The following TRRAP variants were observed in gnomAD, a reference collection of about 807,000 sequenced individuals.
TRRAP encodes transformation/transcription domain associated protein.
In TRRAP, 41 loss-of-function variants were observed where a neutral mutation model predicts 438.8. The observed-to-expected ratio is 0.09, with a 90% CI of 0.07 to 0.12. TRRAP has a LOEUF of 0.12. Among genes scored for constraint, TRRAP ranks in the 10% least tolerant of loss-of-function variants. The pLI, the probability that TRRAP is intolerant of heterozygous loss-of-function variation, is 1.00. For synonymous variants in TRRAP, 1,994 were observed against 1,962.9 expected, an observed-to-expected ratio of 1.02 and a Z score of -0.42; for missense variants, 3,122 against 5,055.1, an observed-to-expected ratio of 0.62 and a Z score of 11.60.
intron 32 of TRRAP, 52 bp from the exon 33 acceptor site, chr7:98,945,878 T>C: frequency 6.4e-7 from 1 of 1,568,298 alleles, no homozygotes; most frequent in Non-Finnish European, 8.6e-7. Context: ...TTTTCTTTTC[T>C]TTTTACCTTT....
At chr7:98,902,102 A>C (rs1670253222) in intron 11 of TRRAP, among the ~76,000 whole-genome samples, 1 of 152,240 alleles carries the variant, frequency 6.6e-6, no homozygotes, top group Non-Finnish European at 1.5e-5. Context: ...GCAACTATGC[A>C]CATTTACATG....
intron 62 of TRRAP, among the ~76,000 whole-genome samples, chr7:98,987,814 T>C (rs1793218255): frequency 6.6e-6 from 1 of 152,242 alleles, no homozygotes; most frequent in South Asian, 2.1e-4. Context: ...GTGGGTGTTC[T>C]GTAGATGCCT....
At chr7:98,981,280 T>C (rs1266839804) in intron 58 of TRRAP, among the ~76,000 whole-genome samples, 4 of 152,132 alleles carry the variant, frequency 2.6e-5, no homozygotes, top group African/African-American at 9.7e-5. Flanking sequence ...CACACGCCTG[T>C]AATCCCAGCT....
intron 25 of TRRAP, among the ~76,000 whole-genome samples, chr7:98,931,180 G>T (rs1006440245): frequency 6.6e-6 from 1 of 152,236 alleles, no homozygotes; most frequent in African/African-American, 2.4e-5. Flanking sequence ...GGCATTGCCA[G>T]CTTATCTGGT....
At chr7:98,919,496 C>T (rs782283409) in intron 20 of TRRAP, among the ~76,000 whole-genome samples, 5 of 152,110 alleles carry the variant, frequency 3.3e-5, no homozygotes, top group African/African-American at 4.8e-5. Flanking sequence ...CAGCTACTCA[C>T]GAGTTTGAGG....
At position 98,970,787 on chromosome 7, in the gene TRRAP, A is replaced by G. The variant is rs1285426749; in HGVS notation, c.7692+496A>G. On this transcript the variant is annotated intron_variant, in intron 52 of 72. Transcript: ENST00000456197. ...CCTGGGGGAATGCTGCCTGCCACAC[A>G]GGGGCTGGGGCTCTAGTTGGTTCCT... Among the ~76,000 whole-genome samples the G allele has an allele frequency of 2.0e-5, 3 of 152,068 alleles. No individual in the cohort carries two copies. The East Asian group carries it at 5.8e-4, about 29-fold the overall frequency.
Position 98,911,069 on chromosome 7 carries a change from T to C in TRRAP, c.1813-8T>C. On this transcript the variant is annotated splice_polypyrimidine_tract_variant and splice_region_variant and intron_variant, in intron 16 of 72. Coordinates refer to ENST00000456197, the MANE Select transcript of TRRAP (RefSeq NM_001375524.1). Reference sequence around the variant, plus strand: ...ATGCCTGTGGGCGGCTTTTTTCCCCTGTATTAGGTCCAGATAGCAGGAAAT... The same window carrying C: ...ATGCCTGTGGGCGGCTTTTTTCCCCCGTATTAGGTCCAGATAGCAGGAAAT... 6.2e-7 allele frequency: 1 copy of C among 1,609,918 alleles called. No individual in the cohort carries two copies. The highest frequency in any genetic ancestry group is 8.5e-7 in the Non-Finnish European group (1 of 1,178,264).
chr7:98,931,769 G>A, intron 26 of TRRAP, 104 bp downstream of exon 26: 1 of 1,487,612 alleles, frequency 6.7e-7, no homozygotes, highest in Non-Finnish European at 9.0e-7. Flanking sequence ...TTGTGTCTTG[G>A]TATCTGTGGG....
chr7:98,924,688 CAAAA>C (rs34211183), intron 21 of TRRAP, among the ~76,000 whole-genome samples: 2 of 95,332 alleles, frequency 2.1e-5, no homozygotes, highest in African/African-American at 3.7e-5. Flanking sequence ...GACTCCGTCT[CAAAA>C]AAAAAAAAAA....
chr7:98,954,551 T>C (rs1199568635), intron 40 of TRRAP, among the ~76,000 whole-genome samples: 2 of 152,078 alleles, frequency 1.3e-5, no homozygotes, highest in African/African-American at 4.8e-5. Context: ...ACACAAACAC[T>C]CGAGAACTCT....
intron 3 of TRRAP, among the ~76,000 whole-genome samples, chr7:98,883,155 T>C (rs1291033816): frequency 5.3e-5 from 8 of 152,164 alleles, no homozygotes; most frequent in Non-Finnish European, 7.4e-5. Context: ...TCAGACACTT[T>C]TCATTTTTCT....
chr7:98,978,426 G>T, intron 57 of TRRAP, 103 bp downstream of exon 57: 2 of 1,054,624 alleles, frequency 1.9e-6, no homozygotes, highest in Non-Finnish European at 1.4e-6. Flanking sequence ...AGAAAGCTTT[G>T]CTACTTTATG....
chr7:98,946,832 G>A (rs1197875603), intron 33 of TRRAP, among the ~76,000 whole-genome samples: 22 of 152,252 alleles, frequency 1.4e-4, no homozygotes, highest in African/African-American at 4.8e-4. Context: ...TGGTTTCTGT[G>A]ACAGTGCTTT....
rs769303897 is a variant in TRRAP, at chr7:98,994,763, C to T, written c.10224C>T (p.Ser3408=). Residue 3408 remains serine (S), a synonymous_variant, in exon 67 of 73, where the codon AGC becomes AGT. Coordinates refer to ENST00000456197, the MANE Select transcript of TRRAP (RefSeq NM_001375524.1). The surrounding 1 kb of genome is among the most constrained non-coding windows in gnomAD (Gnocchi z 4.8). ...CCAACGTCTCGACCATGTTCTCCAG[C>T]GCAGCCTCTGAGTCTCTGGCCCGGC... ...NVSNVSTMFS[S]AASESLARRA... 71 of 1,614,096 alleles carry T rather than the reference C, an allele frequency of 4.4e-5. No individual in the cohort carries two copies. Among genetic ancestry groups the T allele is most frequent in the Non-Finnish European group, 5.7e-5 (67 of 1,180,032 alleles).
chr7:98,935,835 CTG>C (rs1790530418), intron 28 of TRRAP, among the ~76,000 whole-genome samples, 160 bp downstream of exon 28: 1 of 152,098 alleles, frequency 6.6e-6, no homozygotes, highest in East Asian at 1.9e-4. Context: ...GTTTATCAAA[CTG>C]TGTAATGAGA....
chr7:98,909,924 A>G, intron 14 of TRRAP, 132 bp from the exon 15 acceptor site: 1 of 1,433,770 alleles, frequency 7.0e-7, no homozygotes. Flanking sequence ...CTTTGACACC[A>G]ACCTCATAGA....
At chr7:98,878,985 G>A (rs1298030428) in intron 1 of TRRAP, among the ~76,000 whole-genome samples, 10 of 152,076 alleles carry the variant, frequency 6.6e-5, no homozygotes, top group Admixed American at 1.3e-4. Flanking sequence ...TGGGACGTTG[G>A]GGGCCTGTCC....
At chr7:98,906,299 A>ATGCTCCTG in intron 13 of TRRAP, 44 bp downstream of exon 13, 2 of 1,538,202 alleles carry the variant, frequency 1.3e-6, no homozygotes, top group Non-Finnish European at 1.8e-6. Flanking sequence ...AAATGCCAGG[A>ATGCTCCTG]GCATCAGTTA....
At chr7:98,881,343 C>T (rs1003312691) in intron 2 of TRRAP, 93 bp downstream of exon 2, 87 of 1,157,968 alleles carry the variant, frequency 7.5e-5, no homozygotes, top group Admixed American at 1.0e-4. Flanking sequence ...GAGGCCGAGG[C>T]GGGTGGATCA....
Sources: gnomAD v4.1 joint callset for allele counts (sites outside exome capture counted in the v4.1 genomes callset) on GRCh38, gnomAD v4.1.1 for gene constraint, Gnocchi (gnomAD v3.1) non-coding constraint, MANE v1.5 for transcripts, NCBI Gene and HGNC (gene_info 2026-07-23, HGNC 2026-07-21) for gene names.